Variants in CADPS2 observed in about 807,000 individuals in gnomAD.
CADPS2 encodes the protein calcium dependent secretion activator 2, also known as calcium-dependent secretion activator 2.
In CADPS2, 93 loss-of-function variants were observed where a neutral mutation model predicts 172.5. The ratio of observed to expected loss-of-function variants is 0.54; its 90% CI spans 0.46 to 0.64. CADPS2 has a LOEUF of 0.64. CADPS2 is among the 30% of genes least tolerant of loss of function. The pLI is 0.00. For missense variants in CADPS2, 1,420 were observed against 1,565.9 expected (o/e 0.91, Z 1.57); for synonymous variants, 546 against 555.2 (o/e 0.98, Z 0.23).
chr7:122,548,065 C>T (rs2063805955), intron 8 of CADPS2, among the ~76,000 whole-genome samples: 1 of 151,952 alleles, frequency 6.6e-6, no homozygotes, highest in African/African-American at 2.4e-5. Flanking sequence ...TTTATCAATC[C>T]CTCTTCAAAT....
chr7:122,493,538 T>C (rs765131722), intron 9 of CADPS2, among the ~76,000 whole-genome samples: 2 of 152,106 alleles, frequency 1.3e-5, no homozygotes, highest in African/African-American at 2.4e-5. Context: ...AAAATGCTGA[T>C]TAGATAAGCA....
intron 27 of CADPS2, among the ~76,000 whole-genome samples, chr7:122,346,526 T>C (rs556597904): frequency 3.9e-5 from 6 of 152,262 alleles, no homozygotes; most frequent in Non-Finnish European, 8.8e-5. Context: ...ATATTTACTA[T>C]ATTACAAAAT....
At chr7:122,418,400 G>C (rs1476475128) in intron 17 of CADPS2, among the ~76,000 whole-genome samples, 1 of 152,176 alleles carries the variant, frequency 6.6e-6, no homozygotes, top group Non-Finnish European at 1.5e-5. Context: ...GTAAGAATGT[G>C]CTAAGAATGA....
intron 3 of CADPS2, among the ~76,000 whole-genome samples, chr7:122,650,713 G>A (rs1348302072): frequency 6.6e-6 from 1 of 152,060 alleles, no homozygotes; most frequent in Non-Finnish European, 1.5e-5. Context: ...ACAGCCAAAT[G>A]GAGCAACACT....
At chr7:122,829,011 C>A (rs1178753417) in intron 1 of CADPS2, among the ~76,000 whole-genome samples, 2 of 152,058 alleles carry the variant, frequency 1.3e-5, no homozygotes, top group South Asian at 4.2e-4. Flanking sequence ...CTCATGTGTG[C>A]GAATGTTTTA....
At chr7:122,440,291 T>C (rs1176590757) in intron 16 of CADPS2, 1 of 152,124 alleles carries the variant, frequency 6.6e-6, no homozygotes, top group South Asian at 2.1e-4. Flanking sequence ...GGCTCTGCCA[T>C]GGAAACCAGG....
chr7:122,325,307 ATT>A (rs2033603859), intron 29 of CADPS2, among the ~76,000 whole-genome samples, 168 bp downstream of exon 29: 1 of 152,122 alleles, frequency 6.6e-6, no homozygotes, highest in Non-Finnish European at 1.5e-5. Context: ...AAAAAGATAA[ATT>A]TATATTCATT....
chr7:122,662,589 T>A (rs2080719940), intron 3 of CADPS2, among the ~76,000 whole-genome samples: 3 of 152,128 alleles, frequency 2.0e-5, no homozygotes, highest in African/African-American at 7.2e-5. Context: ...TTGCCCACGA[T>A]GGTCTCAATC....
At chr7:122,776,283 T>C (rs1195613547) in intron 1 of CADPS2, among the ~76,000 whole-genome samples, 1 of 152,214 alleles carries the variant, frequency 6.6e-6, no homozygotes, top group Admixed American at 6.5e-5. Context: ...ACATGCTCTC[T>C]TGCATGCTGC....
At chr7:122,824,521 G>C (rs1374978678) in intron 1 of CADPS2, among the ~76,000 whole-genome samples, 1 of 151,882 alleles carries the variant, frequency 6.6e-6, no homozygotes, top group Non-Finnish European at 1.5e-5. Flanking sequence ...TATGATAAAG[G>C]GCCATTTGTA....
rs768100417 is a variant in CADPS2, at chr7:122,325,503, G to A, written c.3691C>T (p.Leu1231=). 2.0e-5 allele frequency: 33 copies of A among 1,609,930 alleles called. No individual in the cohort carries two copies. Among genetic ancestry groups the A allele is most frequent in the Middle Eastern group, 1.6e-4 (1 of 6,082 alleles). ...TTCACAATCTTGATGAGCGTCTTCAGCTGGTAAATATGGAGTTGGAGGTCT... is the reference window on the plus strand; with the variant it reads ...TTCACAATCTTGATGAGCGTCTTCAACTGGTAAATATGGAGTTGGAGGTCT... The part of the protein sequence containing the change: ...RLDLQLHIYQ[L]KTLIKIVKKT... The change falls in exon 29 of 30, where the codon CTG becomes TTG. Residue 1231 remains leucine (L), a synonymous_variant. Transcript: ENST00000449022.
At chr7:122,419,519 C>T (rs1294696607) in intron 17 of CADPS2, among the ~76,000 whole-genome samples, 1 of 152,088 alleles carries the variant, frequency 6.6e-6, no homozygotes, top group Non-Finnish European at 1.5e-5. Flanking sequence ...TCAGAGGGTT[C>T]TTGAACCCCT....
intron 3 of CADPS2, among the ~76,000 whole-genome samples, chr7:122,644,074 G>T (rs2078014281): frequency 6.6e-6 from 1 of 151,438 alleles, no homozygotes; most frequent in Non-Finnish European, 1.5e-5. Flanking sequence ...TGTCTCGAAA[G>T]AAAAGAAAGG....
At chr7:122,662,441 T>A (rs530018458) in intron 3 of CADPS2, among the ~76,000 whole-genome samples, 26 of 150,166 alleles carry the variant, frequency 1.7e-4, no homozygotes, top group Non-Finnish European at 3.4e-4. Context: ...AGTGGCACGA[T>A]CTCAGCTCAC....
chr7:122,719,623 T>C (rs896836332), intron 2 of CADPS2, among the ~76,000 whole-genome samples: 2 of 152,182 alleles, frequency 1.3e-5, no homozygotes, highest in African/African-American at 4.8e-5. Flanking sequence ...ACTGACTTAA[T>C]AACTTCTGTC....
Position 122,325,496 on chromosome 7 carries a change from G to A in CADPS2, c.3698C>T (p.Thr1233Met), listed in dbSNP as rs76716660. 266 of 1,608,474 alleles carry A rather than the reference G, an allele frequency of 1.7e-4. 2 individuals carry two copies. The South Asian group carries it at 1.9e-3, about 11-fold the overall frequency. Reference sequence around the variant, plus strand: ...GTTTACCTTCACAATCTTGATGAGCGTCTTCAGCTGGTAAATATGGAGTTG... The same window carrying A: ...GTTTACCTTCACAATCTTGATGAGCATCTTCAGCTGGTAAATATGGAGTTG... ...DLQLHIYQLKTLIKIVKKTYR... is the reference protein window; with the variant it reads ...DLQLHIYQLKMLIKIVKKTYR... Residue 1233 changes from threonine (T) to methionine (M), a missense_variant, in exon 29 of 30, where the codon ACG (threonine) becomes ATG (methionine). By Grantham distance (81) the Thr-to-Met change is moderately conservative. Transcript: ENST00000449022.
intron 25 of CADPS2, among the ~76,000 whole-genome samples, chr7:122,367,071 T>G (rs1054437661): frequency 2.0e-5 from 3 of 152,182 alleles, no homozygotes; most frequent in Non-Finnish European, 4.4e-5. Flanking sequence ...TCGTATGCTA[T>G]TCCTTTTGGG....
At chr7:122,458,990 A>G (rs888556320) in intron 14 of CADPS2, among the ~76,000 whole-genome samples, 1 of 152,080 alleles carries the variant, frequency 6.6e-6, no homozygotes, top group African/African-American at 2.4e-5. Flanking sequence ...AAAGGACTTC[A>G]TATATATCAT....
intron 1 of CADPS2, among the ~76,000 whole-genome samples, chr7:122,843,500 A>G (rs532735425): frequency 1.3e-5 from 2 of 152,312 alleles, no homozygotes; most frequent in East Asian, 1.9e-4. Flanking sequence ...TGAGATCACA[A>G]CTTAAGATAT....
Sources: allele counts gnomAD v4.1 joint callset (sites outside exome capture counted in the v4.1 genomes callset), GRCh38; gene constraint gnomAD v4.1.1; transcripts MANE v1.5; gene names NCBI Gene and HGNC (gene_info 2026-07-23, HGNC 2026-07-21).